The following TAB2 variants were observed in gnomAD, a reference collection of about 807,000 sequenced individuals.
TAB2 encodes the protein TGF-beta-activated kinase 1 and MAP3K7-binding protein 2.
Under a neutral mutation model 65.0 loss-of-function variants are expected in TAB2, and 3 were observed. The ratio of observed to expected loss-of-function variants is 0.05; its 90% CI spans 0.02 to 0.12. The LOEUF (loss-of-function observed/expected upper bound fraction) is 0.12, where lower values mean the gene tolerates loss of function less well. TAB2 is among the 10% of genes least tolerant of loss of function. TAB2 has a pLI of 1.00. For synonymous variants in TAB2, 298 were observed against 285.1 expected (o/e 1.05, Z -0.46); for missense variants, 623 against 840.3 (o/e 0.74, Z 3.20).
chr6:149,389,403 T>C (rs1015876151), intron 3 of TAB2, among the ~76,000 whole-genome samples: 4 of 151,966 alleles, frequency 2.6e-5, no homozygotes, highest in Non-Finnish European at 5.9e-5. Context: ...CCCAGCACTT[T>C]GGGAGCCCGA....
chr6:149,306,557 CAAAAAAA>C (rs58001933), intron 1 of TAB2, among the ~76,000 whole-genome samples: 4 of 108,610 alleles, frequency 3.7e-5, no homozygotes, highest in Non-Finnish European at 6.1e-5. Context: ...GACTCCGTCT[CAAAAAAA>C]AAAAAAAAAC....
intron 1 of TAB2, among the ~76,000 whole-genome samples, chr6:149,351,852 T>C (rs1780501774): frequency 6.6e-6 from 1 of 152,224 alleles, no homozygotes; most frequent in Non-Finnish European, 1.5e-5. Context: ...CTTATGGAAC[T>C]GAGGTTGAAA....
chr6:149,400,227 C>A, intron 6 of TAB2: 1 of 710,748 alleles, frequency 1.4e-6, no homozygotes, highest in Non-Finnish European at 2.3e-6. Flanking sequence ...ACAGCTCGTG[C>A]TGGCGCACAC....
At chr6:149,262,926 C>T (rs1254083504) in intron 1 of TAB2, among the ~76,000 whole-genome samples, 1 of 152,114 alleles carries the variant, frequency 6.6e-6, no homozygotes, top group Admixed American at 6.6e-5. Flanking sequence ...ACCTCAGCCT[C>T]TCAAATAGCT....
chr6:149,383,615 C>T (rs1781691621), intron 3 of TAB2, among the ~76,000 whole-genome samples: 1 of 152,152 alleles, frequency 6.6e-6, no homozygotes, highest in Non-Finnish European at 1.5e-5. Context: ...GATAGAGTCT[C>T]ACTGTCATCC....
chr6:149,370,973 T>A (rs1781204826), intron 2 of TAB2, among the ~76,000 whole-genome samples: 1 of 144,686 alleles, frequency 6.9e-6, no homozygotes, highest in Non-Finnish European at 1.5e-5. Flanking sequence ...GACTGAAGCA[T>A]GAGAATTGCT....
At chr6:149,407,013 A>T (rs913299459) in intron 6 of TAB2, among the ~76,000 whole-genome samples, 2 of 152,178 alleles carry the variant, frequency 1.3e-5, no homozygotes, top group African/African-American at 4.8e-5. Context: ...CACAGCGCCC[A>T]GCCTCCTTCA....
chr6:149,347,724 A>G (rs1780350294), intron 1 of TAB2, among the ~76,000 whole-genome samples: 1 of 152,098 alleles, frequency 6.6e-6, no homozygotes, highest in Non-Finnish European at 1.5e-5. Context: ...ATAATTTACT[A>G]TAAAAAGTAA....
intron 3 of TAB2, among the ~76,000 whole-genome samples, chr6:149,385,822 C>A (rs181126182): frequency 2.0e-5 from 3 of 152,282 alleles, no homozygotes; most frequent in Non-Finnish European, 4.4e-5. Flanking sequence ...TTATTTCTTA[C>A]ATTAAATTAA....
rs1476564779 is a variant in TAB2 at position 149,399,238 on chromosome 6, G to T, written c.1939+54G>T. 6.0e-6 allele frequency: 9 copies of T among 1,500,982 alleles called. No homozygotes were observed. The Admixed American group carries it at 1.4e-4, about 23-fold the overall frequency. 93.0% of individuals were successfully genotyped at this position (1,500,982 alleles called of 1,614,324 possible). A position where few individuals can be genotyped will look rare whatever the true frequency, so the allele number is the denominator to read the frequency against. ...GTTACTTTTGAAAAGCAAAATTTTA[G>T]AAAATTTTTCCTGTTCAGCAACCTT... On this transcript the variant is annotated intron_variant, in intron 6 of 6. Coordinates refer to ENST00000637181, the MANE Select transcript of TAB2 (RefSeq NM_001292034.3).
rs1554255841 is a variant in TAB2 at position 149,275,286 on chromosome 6, A to AAGAAAGAAAGAT, written c.-121+56521_-121+56522insTAGAAAGAAAGA. The stretch of plus-strand genomic sequence containing the variant: ...AAAGAAAGAAAGAAAGAAAGAAAGA[A>AAGAAAGAAAGAT]AGAAAGAAAGAAAGAGAAAAAAGAA... On this transcript the variant is annotated intron_variant, in intron 1 of 1. Transcript: ENST00000606202. Among the ~76,000 whole-genome samples the AAGAAAGAAAGAT allele has an allele frequency of 1.8e-3, 268 of 146,720 alleles. 1 individual carries two copies. The highest frequency in any genetic ancestry group is 6.4e-3 in the African/African-American group (257 of 40,040).
intron 1 of TAB2, among the ~76,000 whole-genome samples, chr6:149,253,966 G>GAAAGAA (rs1562389252): frequency 0.011 from 829 of 76,100 alleles, 1 homozygote; most frequent in Non-Finnish European, 0.016. Context: ...GAAAAAGAAA[G>GAAAGAA]AAAGAAAGAA....
intron 1 of TAB2, 140 bp from the exon 2 acceptor site, chr6:149,369,769 A>G: frequency 1.7e-6 from 1 of 601,144 alleles, no homozygotes; most frequent in Non-Finnish European, 2.9e-6. Flanking sequence ...CTATATGGAA[A>G]GCATTTTAGG....
At chr6:149,315,424 G>C (rs547201495), upstream of TAB2, among the ~76,000 whole-genome samples, 1 of 152,036 alleles carries the variant, frequency 6.6e-6, no homozygotes, top group Non-Finnish European at 1.5e-5. Flanking sequence ...TTTCTGAACC[G>C]TTTGGGAGAA....
At chr6:149,398,535 G>A (rs938801409) in intron 5 of TAB2, among the ~76,000 whole-genome samples, 1 of 152,046 alleles carries the variant, frequency 6.6e-6, no homozygotes, top group Non-Finnish European at 1.5e-5. Context: ...CTGTTCAACT[G>A]GAAGATGATT....
At chr6:149,306,666 C>A (rs970311389) in intron 1 of TAB2, among the ~76,000 whole-genome samples, 6 of 151,854 alleles carry the variant, frequency 4.0e-5, no homozygotes, top group Non-Finnish European at 5.9e-5. Flanking sequence ...GCAGGAGAAT[C>A]GCTTGAACCC....
intron 1 of TAB2, among the ~76,000 whole-genome samples, chr6:149,279,639 CA>C (rs1216118684): frequency 1.3e-5 from 2 of 152,180 alleles, no homozygotes; most frequent in Admixed American, 1.3e-4. Flanking sequence ...TATCTCACCA[CA>C]AAGAATATCT....
intron 3 of TAB2, among the ~76,000 whole-genome samples, chr6:149,381,908 T>A (rs925412113): frequency 5.3e-5 from 8 of 152,022 alleles, no homozygotes; most frequent in Admixed American, 2.0e-4. Context: ...ACTACTGTGG[T>A]CTCAGCAATC....
In TAB2 at chr6:149,320,018, G is replaced by A. The variant is rs1407859227; in HGVS notation, c.-90+2003G>A. On this transcript the variant is annotated intron_variant, in intron 1 of 6. Transcript: ENST00000637181. ...GGTCCTCTAGTGGAAAAAAGCGCTT[G>A]CCTTCAGCTAAGGGTATTGCTAAGA... Among the ~76,000 whole-genome samples, 3 of 152,130 alleles carry A rather than the reference G, an allele frequency of 2.0e-5. No homozygotes were observed. In the South Asian group the frequency reaches 6.2e-4, roughly 31 times the overall value.
Sources: allele counts gnomAD v4.1 joint callset (sites outside exome capture counted in the v4.1 genomes callset), GRCh38; gene constraint gnomAD v4.1.1; transcripts MANE v1.5; gene names NCBI Gene and HGNC (gene_info 2026-07-23, HGNC 2026-07-21).